SLCO3A1: variants seen among roughly 807,000 people sequenced by gnomAD.
SLCO3A1 encodes solute carrier organic anion transporter family member 3A1.
In SLCO3A1, 27 loss-of-function variants were observed where a neutral mutation model predicts 63.1. The observed-to-expected ratio is 0.43, with a 90% CI of 0.32 to 0.59. The LOEUF (loss-of-function observed/expected upper bound fraction) is 0.59. SLCO3A1 is among the 20% of genes least tolerant of loss of function. The pLI is 0.09. For synonymous variants in SLCO3A1, 473 were observed against 409.9 expected (o/e 1.15, Z -1.86); for missense variants, 773 against 945.8 (o/e 0.82, Z 2.40).
At chr15:91,943,624 G>A (rs1282405232) in intron 2 of SLCO3A1, among the ~76,000 whole-genome samples, 1 of 152,048 alleles carries the variant, frequency 6.6e-6, no homozygotes, top group Non-Finnish European at 1.5e-5. Flanking sequence ...TGGATTATAT[G>A]GTAATTCCAT....
chr15:92,013,315 T>G (rs2046389982), intron 2 of SLCO3A1, among the ~76,000 whole-genome samples: 1 of 152,266 alleles, frequency 6.6e-6, no homozygotes, highest in African/African-American at 2.4e-5. Flanking sequence ...TCATAGATGT[T>G]GAGGCTTGGT....
chr15:91,878,045 G>T (rs1251756309), intron 1 of SLCO3A1, among the ~76,000 whole-genome samples: 1 of 149,670 alleles, frequency 6.7e-6, no homozygotes. Flanking sequence ...TCCCAGAAAT[G>T]AAACCATCAT....
chr15:92,047,407 C>T (rs187164641), intron 2 of SLCO3A1, among the ~76,000 whole-genome samples: 84 of 4,244 alleles, frequency 0.02, 8 homozygotes, highest in African/African-American at 0.059. Context: ...AATATATATA[C>T]AAATATATAT....
intron 2 of SLCO3A1, among the ~76,000 whole-genome samples, chr15:92,061,388 G>A (rs1161525570): frequency 6.6e-6 from 1 of 152,208 alleles, no homozygotes; most frequent in African/African-American, 2.4e-5. Context: ...AGGGATCAAA[G>A]AGGAAGAGAT....
intron 2 of SLCO3A1, among the ~76,000 whole-genome samples, chr15:91,964,647 C>T (rs916292321): frequency 2.0e-5 from 3 of 152,106 alleles, no homozygotes; most frequent in Non-Finnish European, 4.4e-5. Context: ...TCATTGGCCA[C>T]AGCTCCGTCC....
intron 9 of SLCO3A1, among the ~76,000 whole-genome samples, chr15:92,155,953 G>A (rs937411522): frequency 6.6e-6 from 1 of 152,118 alleles, no homozygotes; most frequent in African/African-American, 2.4e-5. Flanking sequence ...TTTCCAGCCT[G>A]CCCGCCTAGC....
chr15:91,958,938 G>C (rs1208382300), intron 2 of SLCO3A1, among the ~76,000 whole-genome samples: 2 of 152,076 alleles, frequency 1.3e-5, no homozygotes, highest in African/African-American at 4.8e-5. Context: ...CAAAGGAAAA[G>C]AAGTCATTAT....
At chr15:91,879,125 C>A (rs1463341110) in intron 1 of SLCO3A1, among the ~76,000 whole-genome samples, 1 of 152,162 alleles carries the variant, frequency 6.6e-6, no homozygotes, top group Non-Finnish European at 1.5e-5. Context: ...ATTCGGCAGC[C>A]ACTTTTCCAA....
chr15:92,079,361 C>T (rs2047315602), intron 2 of SLCO3A1, among the ~76,000 whole-genome samples: 1 of 152,210 alleles, frequency 6.6e-6, no homozygotes, highest in African/African-American at 2.4e-5. Context: ...GTGGCTTCAA[C>T]AACAGACACT....
chr15:92,150,912 A>T, intron 8 of SLCO3A1, 38 bp from the exon 9 acceptor site: 1 of 1,525,758 alleles, frequency 6.6e-7, no homozygotes. Flanking sequence ...AATGATAAAA[A>T]TCTGGTTTTT....
At position 91,935,186 on chromosome 15, in the gene SLCO3A1, T is replaced by G. The variant is rs139192219; in HGVS notation, c.646+18728T>G. 3.4e-3 allele frequency among the ~76,000 whole-genome samples: 525 copies of G among 152,274 alleles called. 4 individuals are homozygous for G. Among genetic ancestry groups the G allele is most frequent in the African/African-American group, 0.012 (514 of 41,538 alleles). The stretch of plus-strand genomic sequence containing the variant: ...CCAGGATGGTCTCGATCTCTTGACT[T>G]CGTGATCTGCCCGCCTCGGCCTCCC... On this transcript the variant is annotated intron_variant, in intron 2 of 9. Transcript: ENST00000318445.
chr15:91,915,237 C>T (rs895613645), intron 1 of SLCO3A1, among the ~76,000 whole-genome samples: 1 of 152,080 alleles, frequency 6.6e-6, no homozygotes, highest in Non-Finnish European at 1.5e-5. Context: ...TCACTTTTCT[C>T]TTGTGTCTAG....
At position 92,018,662 on chromosome 15, in the gene SLCO3A1, A is replaced by T. The variant is rs1248303379; in HGVS notation, c.647-76219A>T. On this transcript the variant is annotated intron_variant, in intron 2 of 9. Transcript: ENST00000318445. ...CAGGAGAAGTGAGGCAGGAGGGAGG[A>T]CTGGCGTCCGTCGGGCCACCAGGAG... 2.6e-5 allele frequency among the ~76,000 whole-genome samples: 4 copies of T among 152,128 alleles called. No individual in the cohort carries two copies. The East Asian group carries it at 7.7e-4, about 29-fold the overall frequency.
At chr15:92,108,250 G>A (rs530674232) in intron 4 of SLCO3A1, among the ~76,000 whole-genome samples, 55 of 152,174 alleles carry the variant, frequency 3.6e-4, no homozygotes, top group African/African-American at 4.3e-4. Context: ...GTATCTCCCC[G>A]ATGTGGGGGC....
intron 1 of SLCO3A1, among the ~76,000 whole-genome samples, chr15:91,880,389 C>CTGTGTGTGTG (rs1358208114): frequency 1.9e-4 from 20 of 103,776 alleles, no homozygotes; most frequent in African/African-American, 1.1e-3. Flanking sequence ...GCTTCTCTCT[C>CTGTGTGTGTG]TCTCTCTCTC....
At chr15:91,898,275 C>T (rs1384640221) in intron 1 of SLCO3A1, among the ~76,000 whole-genome samples, 1 of 152,236 alleles carries the variant, frequency 6.6e-6, no homozygotes, top group Non-Finnish European at 1.5e-5. Context: ...ACTGGAGAGA[C>T]AATGCCTCTA....
rs1463590077 is a variant in SLCO3A1 at position 91,885,745 on chromosome 15, T to TCCCCTC, written c.181-30244_181-30239dup. 6.6e-6 allele frequency among the ~76,000 whole-genome samples: 1 copy of TCCCCTC among 152,210 alleles called. No homozygotes were observed. Among genetic ancestry groups the TCCCCTC allele is most frequent in the African/African-American group, 2.4e-5 (1 of 41,454 alleles). ...TCTGACAATTCAGATCCCTTCGCCT[T>TCCCCTC]CCCCTCCCCTATTTTTATGGCTGCT... On this transcript the variant is annotated intron_variant, in intron 1 of 9. Transcript: ENST00000318445. This position sits in a 1 kb window ranked among gnomAD's most constrained non-coding sequence, Gnocchi z 4.7.
chr15:91,904,360 C>T (rs1364974127), intron 1 of SLCO3A1, among the ~76,000 whole-genome samples: 2 of 152,204 alleles, frequency 1.3e-5, no homozygotes, highest in East Asian at 3.8e-4. Flanking sequence ...CTACTCTTCT[C>T]CTAACGCTGG....
At chr15:92,063,291 T>A (rs1442281747) in intron 2 of SLCO3A1, among the ~76,000 whole-genome samples, 1 of 152,186 alleles carries the variant, frequency 6.6e-6, no homozygotes, top group Non-Finnish European at 1.5e-5. Context: ...TTAAACCCAT[T>A]TCAGTCCAAA....
Sources: allele counts gnomAD v4.1 joint callset (sites outside exome capture counted in the v4.1 genomes callset), GRCh38; gene constraint gnomAD v4.1.1; non-coding constraint Gnocchi (gnomAD v3.1); transcripts MANE v1.5; gene names NCBI Gene and HGNC (gene_info 2026-07-23, HGNC 2026-07-21).